Variants in CACNB2 observed in about 807,000 individuals in gnomAD.
The protein encoded by CACNB2 is calcium voltage-gated channel auxiliary subunit beta 2, also known as voltage-dependent L-type calcium channel subunit beta-2.
In CACNB2, 42 loss-of-function variants were observed where a neutral mutation model predicts 73.3. The observed-to-expected ratio is 0.57, with a 90% CI of 0.45 to 0.74. The LOEUF (loss-of-function observed/expected upper bound fraction) is 0.74, where lower values mean the gene tolerates loss of function less well. Ranked by LOEUF, CACNB2 falls within the 30% of genes least tolerant of loss-of-function variation. The pLI is 0.00. For synonymous variants in CACNB2, 348 were observed against 310.3 expected (o/e 1.12, Z -1.28); for missense variants, 940 against 853.0 (o/e 1.10, Z -1.27).
intron 2 of CACNB2, among the ~76,000 whole-genome samples, chr10:18,224,748 T>C (rs1779214): frequency 0.77 from 117,606 of 152,098 alleles, 45,768 homozygotes; most frequent in Non-Finnish European, 0.82. Flanking sequence ...AATCACTCTT[T>C]CAAGGTAATA....
At chr10:18,370,709 T>C (rs556523674) in intron 2 of CACNB2, among the ~76,000 whole-genome samples, 2 of 152,340 alleles carry the variant, frequency 1.3e-5, no homozygotes, top group African/African-American at 4.8e-5. Context: ...TACTTAAAAT[T>C]TCCATCATTC....
intron 2 of CACNB2, among the ~76,000 whole-genome samples, chr10:18,287,819 C>T (rs912795402): frequency 2.6e-5 from 4 of 152,136 alleles, no homozygotes; most frequent in African/African-American, 7.2e-5. Flanking sequence ...CACTGCACTC[C>T]AGCCTGGGTG....
chr10:18,435,941 A>C (rs1253427350), intron 3 of CACNB2, among the ~76,000 whole-genome samples: 1 of 152,238 alleles, frequency 6.6e-6, no homozygotes, highest in Non-Finnish European at 1.5e-5. Flanking sequence ...GAGGGCCCAG[A>C]GCATCTGTGA....
intron 2 of CACNB2, among the ~76,000 whole-genome samples, chr10:18,360,772 G>T (rs2042110204): frequency 6.6e-6 from 1 of 152,150 alleles, no homozygotes; most frequent in African/African-American, 2.4e-5. Flanking sequence ...TGCATCTGGG[G>T]TGTCAGATTA....
intron 3 of CACNB2, among the ~76,000 whole-genome samples, chr10:18,428,054 G>A (rs1195206925): frequency 6.6e-6 from 1 of 151,794 alleles, no homozygotes; most frequent in Admixed American, 6.6e-5. Flanking sequence ...TTTCATTATT[G>A]TTCAGTTCTA....
At chr10:18,473,004 A>T (rs183857315) in intron 3 of CACNB2, among the ~76,000 whole-genome samples, 12 of 152,296 alleles carry the variant, frequency 7.9e-5, no homozygotes, top group Admixed American at 7.2e-4. Context: ...CTTCCAATGG[A>T]GAGTTCCATT....
intron 2 of CACNB2, among the ~76,000 whole-genome samples, chr10:18,172,884 C>T (rs944448308): frequency 2.7e-5 from 4 of 146,364 alleles, no homozygotes; most frequent in South Asian, 2.2e-4. Flanking sequence ...TTAACCCTTG[C>T]GAGTTTCAAT....
intron 8 of CACNB2, 110 bp from the exon 9 acceptor site, chr10:18,518,800 C>A: frequency 1.0e-6 from 1 of 989,266 alleles, no homozygotes; most frequent in Admixed American, 1.8e-5. Flanking sequence ...GCCACTCTTT[C>A]CAGATGCAAA....
intron 3 of CACNB2, among the ~76,000 whole-genome samples, chr10:18,493,497 A>C (rs926732676): frequency 1.3e-5 from 2 of 152,092 alleles, no homozygotes; most frequent in Non-Finnish European, 2.9e-5. Flanking sequence ...GGACTTGAAC[A>C]TCTATAGATT....
rs1351928541 is a variant in CACNB2, at chr10:18,527,622, C to T, written c.979C>T (p.Leu327Phe). Residue 327 changes from leucine (L) to phenylalanine (F), a missense_variant, in exon 10 of 14, where the codon CTT (leucine) becomes TTT (phenylalanine). Leu to Phe is a conservative substitution (Grantham distance 22, BLOSUM62 0). Coordinates refer to ENST00000324631, the MANE Select transcript of CACNB2 (RefSeq NM_201596.3). ...SITRVTADIS[L>F]AKRSVLNNPS... is the part of the protein sequence containing the mutation. ...CACAAGGGTCACCGCTGACATCTCG[C>T]TTGCCAAACGCTCGGTATTAAACAA... 6.2e-7 allele frequency: 1 copy of T among 1,614,042 alleles called. No homozygotes were observed. Among genetic ancestry groups the T allele is most frequent in the South Asian group, 1.1e-5 (1 of 91,076 alleles).
At chr10:18,272,302 G>A (rs1416703277) in intron 2 of CACNB2, among the ~76,000 whole-genome samples, 2 of 152,306 alleles carry the variant, frequency 1.3e-5, no homozygotes, top group South Asian at 2.1e-4. Flanking sequence ...AGGGCAAGAT[G>A]TCAAGGAATG....
chr10:18,310,684 A>G (rs921615438), intron 2 of CACNB2, among the ~76,000 whole-genome samples: 5 of 150,900 alleles, frequency 3.3e-5, no homozygotes, highest in African/African-American at 1.2e-4. Flanking sequence ...GGTTCGAGCA[A>G]TTCTCCTGCC....
At chr10:18,217,615 G>T (rs1336109651) in intron 2 of CACNB2, among the ~76,000 whole-genome samples, 1 of 151,852 alleles carries the variant, frequency 6.6e-6, no homozygotes, top group Non-Finnish European at 1.5e-5. Flanking sequence ...TCTTAAGCAG[G>T]GAGGTCAAGA....
intron 2 of CACNB2, among the ~76,000 whole-genome samples, chr10:18,310,198 G>A (rs2131881229): frequency 6.6e-6 from 1 of 152,188 alleles, no homozygotes; most frequent in Non-Finnish European, 1.5e-5. Context: ...TGTCAATTAA[G>A]ATTGGGTTTC....
intron 3 of CACNB2, among the ~76,000 whole-genome samples, chr10:18,447,738 C>T (rs1030444489): frequency 1.4e-5 from 2 of 145,684 alleles, no homozygotes; most frequent in African/African-American, 5.1e-5. Context: ...AAGGCATGAA[C>T]AGAAAGTACA....
At chr10:18,526,139 C>T (rs761587570) in intron 9 of CACNB2, among the ~76,000 whole-genome samples, 6 of 152,184 alleles carry the variant, frequency 3.9e-5, no homozygotes, top group Admixed American at 1.3e-4. Context: ...GTATGGCAAT[C>T]TTGCTAGATA....
chr10:18,288,899 G>C (rs767893001), intron 2 of CACNB2, among the ~76,000 whole-genome samples: 2 of 152,186 alleles, frequency 1.3e-5, no homozygotes, highest in Non-Finnish European at 2.9e-5. Context: ...ACAAAAATCA[G>C]CCGGGCATGG....
intron 2 of CACNB2, among the ~76,000 whole-genome samples, chr10:18,233,451 T>TTC (rs1295412928): frequency 1.3e-5 from 2 of 151,846 alleles, no homozygotes; most frequent in East Asian, 3.9e-4. Context: ...ACATCTTTTT[T>TTC]TCTCTCTCTC....
chr10:18,464,144 G>A (rs1213563129), intron 3 of CACNB2, among the ~76,000 whole-genome samples: 1 of 151,798 alleles, frequency 6.6e-6, no homozygotes. Context: ...ATGTTCTCTG[G>A]ACATCTCTTG....
Sources: allele counts gnomAD v4.1 joint callset (sites outside exome capture counted in the v4.1 genomes callset), GRCh38; gene constraint gnomAD v4.1.1; transcripts MANE v1.5; gene names NCBI Gene and HGNC (gene_info 2026-07-23, HGNC 2026-07-21).